Variants in VPS13C observed in about 807,000 individuals in gnomAD.
VPS13C encodes intermembrane lipid transfer protein VPS13C.
VPS13C carries 358 observed loss-of-function variants against 456.8 expected under a neutral mutation model. That is an observed-to-expected ratio of 0.78 (90% confidence interval 0.72 to 0.86). VPS13C has a LOEUF of 0.86. Ranked by LOEUF, VPS13C falls within the 40% of genes least tolerant of loss-of-function variation. The probability of loss-of-function intolerance (pLI) is 0.00; values close to 1 mark genes in which losing one functional copy is unlikely to be tolerated. For missense variants in VPS13C, 4,818 were observed against 4,385.4 expected (o/e 1.10, Z -2.79); for synonymous variants, 1,578 against 1,486.7 (o/e 1.06, Z -1.41).
intron 51 of VPS13C, among the ~76,000 whole-genome samples, chr15:61,928,239 G>A (rs1379177574): frequency 1.3e-5 from 2 of 151,936 alleles, no homozygotes; most frequent in East Asian, 3.9e-4. Flanking sequence ...CTTTTTATCA[G>A]AATTAAAGAA....
intron 6 of VPS13C, among the ~76,000 whole-genome samples, chr15:62,027,369 G>A (rs904801520): frequency 6.6e-6 from 1 of 152,072 alleles, no homozygotes; most frequent in Admixed American, 6.6e-5. Context: ...ACCAGACAGT[G>A]AGCCATGAGT....
At chr15:61,976,803 C>T (rs754913966) in intron 24 of VPS13C, among the ~76,000 whole-genome samples, 7 of 151,634 alleles carry the variant, frequency 4.6e-5, no homozygotes, top group Non-Finnish European at 8.8e-5. Flanking sequence ...CTAATGTGTT[C>T]GAAGATTTTA....
chr15:62,041,434 G>C lies in VPS13C; in HGVS notation c.145-68C>G, dbSNP rs370858139. On this transcript the variant is annotated intron_variant, in intron 2 of 84. Transcript: ENST00000644861. The stretch of plus-strand genomic sequence containing the variant: ...AAGCCAACCCAAAAATCACTTTTGT[G>C]TGATCATTTAAATACACATGTCCAA... The C allele has an allele frequency of 7.5e-6, 11 of 1,471,968 alleles. No homozygotes were observed. In the African/African-American group the frequency reaches 1.6e-4, roughly 21 times the overall value. 91.2% of individuals were successfully genotyped at this position (1,471,968 alleles called of 1,614,324 possible). A position where few individuals can be genotyped will look rare whatever the true frequency, so the allele number is the denominator to read the frequency against.
chr15:62,049,727 C>T (rs1019495872), intron 1 of VPS13C, among the ~76,000 whole-genome samples: 1 of 152,114 alleles, frequency 6.6e-6, no homozygotes. Context: ...ATTCTTCCTA[C>T]CCATGAGCAT....
At position 61,922,497 on chromosome 15, in the gene VPS13C, C is replaced by T. The variant is rs1052963674; in HGVS notation, c.6875G>A (p.Gly2292Glu). ...SIQVTLECGL[G>E]HRTVPLLLAE... ...CAATAATAAAGGTACAGTTCGATGTCCAAGGCCACATTCTAAGGTAACTTG... is the reference window on the plus strand; with the variant it reads ...CAATAATAAAGGTACAGTTCGATGTTCAAGGCCACATTCTAAGGTAACTTG... Residue 2292 changes from glycine to glutamate, a missense_variant, in exon 54 of 85, where the codon GGA (glycine) becomes GAA (glutamate). Physicochemically the swap from Gly to Glu is moderately conservative, Grantham distance 98 (BLOSUM62 -2). Coordinates refer to ENST00000644861, the MANE Select transcript of VPS13C (RefSeq NM_020821.3). The T allele has an allele frequency of 1.2e-6, 2 of 1,614,008 alleles. No homozygotes were observed. Among genetic ancestry groups the T allele is most frequent in the Non-Finnish European group, 1.7e-6 (2 of 1,179,948 alleles).
Position 61,874,903 on chromosome 15 carries a change from C to T in VPS13C, c.10387G>A (p.Val3463Met), listed in dbSNP as rs969203410. The change falls in exon 77 of 85, where the codon GTG (valine) becomes ATG (methionine). Residue 3463 changes from valine (V) to methionine (M), a missense_variant. Around this residue, in one of 3 missense-constraint regions of VPS13C, gnomAD observed 4,552 missense variants for 4,130.6 expected, o/e 1.10. Coordinates refer to ENST00000644861, the MANE Select transcript of VPS13C (RefSeq NM_020821.3). The part of the protein sequence containing the change: ...EEFAEGLVIG[V>M]RSLFGHTVGG... ...ACTGTGTGTCCAAAGAGGCTTCTCA[C>T]TCCAATCACTAACCCCTCTGCAAAT... The T allele has an allele frequency of 1.9e-6, 3 of 1,594,122 alleles. No individual in the cohort carries two copies. The highest frequency in any genetic ancestry group is 2.7e-5 in the African/African-American group (2 of 74,230).
chr15:61,919,580 T>C (rs754082928), intron 57 of VPS13C, 131 bp from the exon 58 acceptor site: 35 of 976,614 alleles, frequency 3.6e-5, no homozygotes, highest in Non-Finnish European at 4.8e-5. Flanking sequence ...ACAAATTGCT[T>C]TTCTAAGACA....
intron 68 of VPS13C, 39 bp downstream of exon 68, chr15:61,884,089 T>C (rs1896083231): frequency 6.4e-7 from 1 of 1,551,060 alleles, no homozygotes; most frequent in Admixed American, 2.1e-5. Flanking sequence ...ACCAAGAAAA[T>C]ACACATATAA....
chr15:62,012,819 A>T (rs561539485), intron 11 of VPS13C, among the ~76,000 whole-genome samples: 8 of 152,084 alleles, frequency 5.3e-5, no homozygotes, highest in Admixed American at 5.2e-4. Context: ...ATGGGCTCTG[A>T]TATCACTGCC....
intron 15 of VPS13C, among the ~76,000 whole-genome samples, chr15:62,006,166 C>T (rs1233609203): frequency 4.0e-5 from 6 of 151,362 alleles, no homozygotes; most frequent in African/African-American, 1.5e-4. Context: ...AGGTTTGTTA[C>T]ATATGTATAC....
chr15:62,015,712 T>G lies in VPS13C; in HGVS notation c.685-1720A>C, dbSNP rs1204022073. ...AACACCGCATATTCTCACTCATAGG[T>G]GGGAATTGAACAATGAGATCACATG... On this transcript the variant is annotated intron_variant, in intron 9 of 84. Coordinates refer to ENST00000644861, the MANE Select transcript of VPS13C (RefSeq NM_020821.3). 5.8e-3 allele frequency among the ~76,000 whole-genome samples: 707 copies of G among 122,692 alleles called. 3 individuals carry two copies. The highest frequency in any genetic ancestry group is 0.021 in the African/African-American group (668 of 31,496). The allele number at this position is 122,692 out of a possible 152,430, so 80.5% of individuals were successfully genotyped here.
chr15:61,974,020 A>G (rs540741685), intron 25 of VPS13C, among the ~76,000 whole-genome samples: 1 of 152,234 alleles, frequency 6.6e-6, no homozygotes, highest in Admixed American at 6.5e-5. Flanking sequence ...GTAAAGATCA[A>G]TTTCAATTAA....
At chr15:61,920,763 C>G in intron 55 of VPS13C, 116 bp from the exon 56 acceptor site, 1 of 888,330 alleles carries the variant, frequency 1.1e-6, no homozygotes, top group Non-Finnish European at 1.6e-6. Context: ...TCGCAAAAGT[C>G]TTATTTTCAA....
chr15:62,037,417 A>G (rs1439767796), intron 3 of VPS13C, among the ~76,000 whole-genome samples: 1 of 94,792 alleles, frequency 1.1e-5, no homozygotes, highest in Non-Finnish European at 2.1e-5. Flanking sequence ...TATATATAAT[A>G]TGTTATATAT....
Position 61,981,435 on chromosome 15 carries a change from C to T in VPS13C, c.2073G>A (p.Arg691=). The change falls in exon 22 of 85, where the codon AGG becomes AGA. Residue 691 remains arginine (R), a synonymous_variant. Transcript: ENST00000644861. ...CTAGATAAGAAGGCTTCAGATTTAT[C>T]CTTAAATCAAGGACTTTTCGAGTTT... ...IIETRKVLDL[R]INLKPSYLVV... 1 of 1,611,538 alleles carries T rather than the reference C, an allele frequency of 6.2e-7. No homozygotes were observed. Among genetic ancestry groups the T allele is most frequent in the Non-Finnish European group, 8.5e-7 (1 of 1,179,040 alleles).
chr15:62,010,238 G>C (rs767566039), intron 13 of VPS13C, among the ~76,000 whole-genome samples: 60 of 151,896 alleles, frequency 4.0e-4, no homozygotes, highest in Non-Finnish European at 7.1e-4. Context: ...TGGAAATAAT[G>C]TCATTCCCTG....
At chr15:61,956,335 G>C (rs923001748) in intron 37 of VPS13C, among the ~76,000 whole-genome samples, 8 of 151,762 alleles carry the variant, frequency 5.3e-5, no homozygotes, top group African/African-American at 1.5e-4. Context: ...GAGGGGAGAG[G>C]GGGGGACTGG....
intron 18 of VPS13C, among the ~76,000 whole-genome samples, chr15:61,989,770 A>C (rs1450092767): frequency 6.6e-6 from 1 of 152,244 alleles, no homozygotes; most frequent in Non-Finnish European, 1.5e-5. Context: ...AATGGCTAAA[A>C]TTTAAAAGAT....
At chr15:61,922,854 A>T in intron 53 of VPS13C, 92 bp from the exon 54 acceptor site, 2 of 974,302 alleles carry the variant, frequency 2.1e-6, no homozygotes, top group Admixed American at 7.2e-5. Context: ...TACATTAATT[A>T]TAAGTGACAT....
Sources: gnomAD v4.1 joint callset for allele counts (sites outside exome capture counted in the v4.1 genomes callset) on GRCh38, gnomAD v4.1.1 for gene constraint, gnomAD v4.1.1 regional missense constraint, MANE v1.5 for transcripts, NCBI Gene and HGNC (gene_info 2026-07-23, HGNC 2026-07-21) for gene names.